Variants in NAV2 observed in about 807,000 individuals in gnomAD.
NAV2 encodes neuron navigator 2, also known as helicase, APC down-regulated 1.
Under a neutral mutation model 223.2 loss-of-function variants are expected in NAV2, and 54 were observed. That is an observed-to-expected ratio of 0.24 (90% CI 0.19 to 0.30). NAV2 has a LOEUF of 0.30. NAV2 is among the 10% of genes least tolerant of loss of function. The pLI, the probability that NAV2 is intolerant of heterozygous loss-of-function variation, is 1.00. For missense variants in NAV2, 2,806 were observed against 3,147.5 expected (o/e 0.89, Z 2.60); for synonymous variants, 1,279 against 1,239.3 (o/e 1.03, Z -0.67).
intron 1 of NAV2, among the ~76,000 whole-genome samples, chr11:19,512,555 G>C (rs556838290): frequency 6.6e-6 from 1 of 152,312 alleles, no homozygotes; most frequent in South Asian, 2.1e-4. Flanking sequence ...CAAGGTAACT[G>C]TTCTGCATTC....
intron 1 of NAV2, among the ~76,000 whole-genome samples, chr11:19,411,590 T>C (rs989466068): frequency 6.6e-6 from 1 of 152,062 alleles, no homozygotes; most frequent in Admixed American, 6.6e-5. Context: ...TTCTAAGGGA[T>C]AGGGATTGGG....
At chr11:19,470,299 G>A (rs568432859) in intron 1 of NAV2, among the ~76,000 whole-genome samples, 2 of 152,340 alleles carry the variant, frequency 1.3e-5, no homozygotes, top group South Asian at 4.1e-4. Context: ...ACTGGAAAGG[G>A]TGATTGGAGA....
intron 1 of NAV2, among the ~76,000 whole-genome samples, chr11:19,557,204 A>G (rs1032759750): frequency 1.3e-5 from 2 of 152,232 alleles, no homozygotes; most frequent in African/African-American, 2.4e-5. Context: ...GAGACATGGT[A>G]TTAATGTAGC....
At chr11:19,914,568 C>T (rs1251156168) in intron 6 of NAV2, among the ~76,000 whole-genome samples, 9 of 148,298 alleles carry the variant, frequency 6.1e-5, no homozygotes, top group Admixed American at 1.4e-4. Context: ...GACGGAGTCT[C>T]GCTCTGTCGC....
chr11:19,711,020 C>G (rs1424345292), upstream of NAV2: 1 of 152,088 alleles, frequency 6.6e-6, no homozygotes, highest in Non-Finnish European at 1.5e-5. Context: ...GACAATAGTA[C>G]GGGAGGTGGC....
chr11:19,825,363 C>G (rs1423969949), intron 1 of NAV2, among the ~76,000 whole-genome samples: 1 of 148,890 alleles, frequency 6.7e-6, no homozygotes, highest in Non-Finnish European at 1.5e-5. Flanking sequence ...AGTGAGGCTT[C>G]CTGAATTGGG....
At chr11:19,351,046 T>C in intron 1 of NAV2, 1 of 1,526,932 alleles carries the variant, frequency 6.5e-7, no homozygotes, top group Non-Finnish European at 8.8e-7. Context: ...CAGAACTTTG[T>C]TGGTTGATTG....
At chr11:19,348,616 A>G (rs552279151), upstream of NAV2, among the ~76,000 whole-genome samples, 1 of 152,372 alleles carries the variant, frequency 6.6e-6, no homozygotes, top group East Asian at 1.9e-4. Flanking sequence ...TGCCCTTAAC[A>G]GAGATGTGCT....
At chr11:19,431,223 G>A (rs1039546409) in intron 1 of NAV2, among the ~76,000 whole-genome samples, 6 of 152,280 alleles carry the variant, frequency 3.9e-5, no homozygotes, top group African/African-American at 1.2e-4. Context: ...GTTAAAGCCC[G>A]AAGTGGGAAT....
At chr11:19,758,509 A>G (rs950147034) in intron 1 of NAV2, among the ~76,000 whole-genome samples, 1 of 152,164 alleles carries the variant, frequency 6.6e-6, no homozygotes, top group Non-Finnish European at 1.5e-5. Flanking sequence ...TGACTTCGTT[A>G]TAAGAGGCAG....
chr11:19,541,735 G>A (rs2044349791), intron 1 of NAV2, among the ~76,000 whole-genome samples: 1 of 152,188 alleles, frequency 6.6e-6, no homozygotes, highest in Non-Finnish European at 1.5e-5. Flanking sequence ...GGGGATTTGT[G>A]GGCCTCGCTG....
chr11:19,989,659 T>C (rs1459024965), intron 11 of NAV2, among the ~76,000 whole-genome samples: 1 of 152,214 alleles, frequency 6.6e-6, no homozygotes, highest in Non-Finnish European at 1.5e-5. Flanking sequence ...GATGGGTTGC[T>C]CTATGCCAGG....
chr11:19,422,082 A>G (rs940032099), intron 1 of NAV2, among the ~76,000 whole-genome samples: 9 of 152,080 alleles, frequency 5.9e-5, no homozygotes, highest in Non-Finnish European at 1.3e-4. Flanking sequence ...TACCCTAGAG[A>G]GAGGAGGGGA....
intron 1 of NAV2, among the ~76,000 whole-genome samples, chr11:19,398,590 G>A (rs1166720697): frequency 2.0e-5 from 3 of 152,020 alleles, no homozygotes; most frequent in Non-Finnish European, 2.9e-5. Context: ...CCCCTGCTAT[G>A]TTCCATTCAC....
At chr11:19,617,953 C>T (rs1489522429) in intron 1 of NAV2, among the ~76,000 whole-genome samples, 1 of 152,124 alleles carries the variant, frequency 6.6e-6, no homozygotes, top group South Asian at 2.1e-4. Context: ...CCATGACTCA[C>T]TCACTCTCTC....
chr11:19,691,087 G>T (rs1023555009), intron 1 of NAV2, among the ~76,000 whole-genome samples: 3 of 152,200 alleles, frequency 2.0e-5, no homozygotes, highest in African/African-American at 7.2e-5. Context: ...CTACAGTAGA[G>T]CTGGAGAGTG....
exon 1 of NAV2, chr11:19,350,790 G>A: frequency 1.5e-6 from 1 of 672,780 alleles, no homozygotes; most frequent in Admixed American, 2.4e-5. Context: ...TTCCCGAGTG[G>A]ATTTTAAGAA....
chr11:19,557,685 G>T (rs940298248), intron 1 of NAV2, among the ~76,000 whole-genome samples: 1 of 152,120 alleles, frequency 6.6e-6, no homozygotes, highest in African/African-American at 2.4e-5. Context: ...CAGTGAACGC[G>T]AAAAGCCTTG....
chr11:19,385,418 C>T (rs1848996391), intron 1 of NAV2, among the ~76,000 whole-genome samples: 1 of 152,192 alleles, frequency 6.6e-6, no homozygotes, highest in Non-Finnish European at 1.5e-5. Context: ...AAAAGGAAGC[C>T]TTGTTAAGTT....
Sources: gnomAD v4.1 joint callset for allele counts (sites outside exome capture counted in the v4.1 genomes callset) on GRCh38, gnomAD v4.1.1 for gene constraint, MANE v1.5 for transcripts, NCBI Gene and HGNC (gene_info 2026-07-23, HGNC 2026-07-21) for gene names.